The following CENPP variants were observed in gnomAD, a reference collection of about 807,000 sequenced individuals.
The protein encoded by CENPP is centromere protein P.
CENPP carries 24 observed loss-of-function variants against 35.6 expected under a neutral mutation model. That is an observed-to-expected ratio of 0.67 (90% confidence interval 0.49 to 0.95). The LOEUF is 0.95. CENPP is among the 40% of genes least tolerant of loss of function. The probability of loss-of-function intolerance (pLI) is 0.00; values close to 1 mark genes in which losing one functional copy is unlikely to be tolerated. For synonymous variants in CENPP, 120 were observed against 125.5 expected, an observed-to-expected ratio of 0.96 and a Z score of 0.29; for missense variants, 332 against 345.3, an observed-to-expected ratio of 0.96 and a Z score of 0.31.
intron 5 of CENPP, among the ~76,000 whole-genome samples, chr9:92,410,094 G>A (rs1347417347): frequency 6.6e-6 from 1 of 151,956 alleles, no homozygotes. Flanking sequence ...GTACCACCGC[G>A]CCTGGCTAAT....
chr9:92,359,589 G>A (rs1841686905), intron 4 of CENPP, among the ~76,000 whole-genome samples: 1 of 152,072 alleles, frequency 6.6e-6, no homozygotes, highest in Admixed American at 6.6e-5. Context: ...CTTAGAAAGG[G>A]GAAATGAAGA....
rs185618585 is a variant in CENPP at position 92,370,983 on chromosome 9, T to C, written c.468-8780T>C. Among the ~76,000 whole-genome samples, 1,058 of 152,288 alleles carry C rather than the reference T, an allele frequency of 6.9e-3. 11 individuals carry two copies. Among genetic ancestry groups the C allele is most frequent in the African/African-American group, 0.024 (1,014 of 41,560 alleles). ...TCCATTTTCATTTAAATTGTTTGGG[T>C]CTTCTCTTTTCTTGGTTAGTCTAGC... On this transcript the variant is annotated intron_variant, in intron 4 of 7. Transcript: ENST00000375587.
intron 5 of CENPP, among the ~76,000 whole-genome samples, chr9:92,583,715 T>G (rs1389885441): frequency 6.6e-6 from 1 of 152,144 alleles, no homozygotes; most frequent in African/African-American, 2.4e-5. Flanking sequence ...TTGTTTTGCT[T>G]TCAAAATTTT....
At position 92,619,655 on chromosome 9, in the gene CENPP, CTG is replaced by C. The variant is rs1851561359; in HGVS notation, c.*6507_*6508del. On this transcript the variant is annotated 3_prime_UTR_variant, in exon 8 of 8. Transcript: ENST00000375587. ...CCTTCCCAGTAGCCAAGTGTGGGAA[CTG>C]CTTCCTGCCTCAGAACCTGAGGGTG... 1.7e-6 allele frequency: 2 copies of C among 1,148,710 alleles called. 1 individual carries two copies. Among genetic ancestry groups the C allele is most frequent in the Admixed American group, 4.0e-5 (2 of 50,210 alleles). 71.2% of individuals were successfully genotyped at this position (1,148,710 alleles called of 1,614,324 possible).
intron 5 of CENPP, among the ~76,000 whole-genome samples, chr9:92,423,424 TTAAAG>T (rs543657196): frequency 3.2e-4 from 48 of 152,284 alleles, no homozygotes; most frequent in African/African-American, 1.1e-3. Context: ...CAGGAAAAGT[TTAAAG>T]TAAAATCCTC....
chr9:92,425,537 T>A (rs1843941557), intron 5 of CENPP, among the ~76,000 whole-genome samples: 1 of 152,200 alleles, frequency 6.6e-6, no homozygotes, highest in Non-Finnish European at 1.5e-5. Flanking sequence ...GGAGTTCATT[T>A]TGGGGGGGAA....
chr9:92,362,857 T>C (rs908186735), intron 4 of CENPP, among the ~76,000 whole-genome samples: 4 of 152,260 alleles, frequency 2.6e-5, no homozygotes, highest in African/African-American at 9.6e-5. Flanking sequence ...TCCATATTTA[T>C]AATATGTATG....
chr9:92,435,015 G>T (rs1261246324), intron 5 of CENPP, among the ~76,000 whole-genome samples: 1 of 152,122 alleles, frequency 6.6e-6, no homozygotes, highest in African/African-American at 2.4e-5. Flanking sequence ...TCATGCCACT[G>T]CACTCCAGCC....
chr9:92,386,360 A>AAT, intron 5 of CENPP: 1 of 988,886 alleles, frequency 1.0e-6, no homozygotes, highest in African/African-American at 1.6e-5. Context: ...GGATTCAAGC[A>AAT]ATATATATGT....
chr9:92,368,299 T>C (rs1383512836), intron 4 of CENPP, among the ~76,000 whole-genome samples: 1 of 152,148 alleles, frequency 6.6e-6, no homozygotes, highest in Non-Finnish European at 1.5e-5. Context: ...CTGGACACTG[T>C]CCCCAAGATA....
intron 5 of CENPP, chr9:92,464,765 G>C (rs1387514113): frequency 1.4e-6 from 1 of 718,720 alleles, no homozygotes. Context: ...ACTACATATG[G>C]CATTTTATGT....
At chr9:92,591,171 G>A (rs907908602) in intron 5 of CENPP, among the ~76,000 whole-genome samples, 2 of 152,192 alleles carry the variant, frequency 1.3e-5, no homozygotes, top group Admixed American at 1.3e-4. Context: ...TGTAATCCCA[G>A]CACTTTGGGA....
intron 5 of CENPP, among the ~76,000 whole-genome samples, chr9:92,535,413 A>G (rs759395690): frequency 4.1e-4 from 62 of 152,132 alleles, no homozygotes; most frequent in Non-Finnish European, 7.9e-4. Context: ...TTTATCAAGT[A>G]ATTTTTTTCC....
At chr9:92,610,217 G>A (rs972414044) in intron 5 of CENPP, among the ~76,000 whole-genome samples, 17 of 152,118 alleles carry the variant, frequency 1.1e-4, no homozygotes, top group African/African-American at 1.9e-4. Context: ...CGCCAGGCCC[G>A]GCTACTTTTT....
At position 92,614,965 on chromosome 9, in the gene CENPP, A is replaced by G. The variant is rs998192426; in HGVS notation, c.*1816A>G. 2.0e-5 allele frequency: 3 copies of G among 152,246 alleles called. No individual in the cohort carries two copies. Among genetic ancestry groups the G allele is most frequent in the African/African-American group, 7.2e-5 (3 of 41,422 alleles). 9.4% of individuals were successfully genotyped at this position (152,246 alleles called of 1,614,324 possible). A position where few individuals can be genotyped will look rare whatever the true frequency, so the allele number is the denominator to read the frequency against. ...GGGAGGAACTTGGTCTGGGAGGAAG[A>G]GAGAACTCGCTCCTCAACCACCCCA... On this transcript the variant is annotated 3_prime_UTR_variant, in exon 8 of 8. Transcript: ENST00000375587.
At chr9:92,464,021 G>A (rs778096356) in intron 5 of CENPP, among the ~76,000 whole-genome samples, 2 of 152,132 alleles carry the variant, frequency 1.3e-5, no homozygotes, top group Non-Finnish European at 2.9e-5. Flanking sequence ...AGAGGGGGTC[G>A]TGATGAAGTT....
In CENPP at chr9:92,613,249, C is replaced by T; in HGVS notation, c.*100C>T. ...CTATTTTCTGCTTAGAAACCACACCCTGAAGACGTGCTGTCTATGCAGTTA... is the reference window on the plus strand; with the variant it reads ...CTATTTTCTGCTTAGAAACCACACCTTGAAGACGTGCTGTCTATGCAGTTA... On this transcript the variant is annotated 3_prime_UTR_variant, in exon 8 of 8. Coordinates refer to ENST00000375587, the MANE Select transcript of CENPP (RefSeq NM_001012267.3). The T allele has an allele frequency of 7.1e-7, 1 of 1,409,628 alleles. No individual in the cohort carries two copies. The highest frequency in any genetic ancestry group is 1.2e-5 in the South Asian group (1 of 82,726). 87.3% of individuals were successfully genotyped at this position (1,409,628 alleles called of 1,614,324 possible). A position where few individuals can be genotyped will look rare whatever the true frequency, so the allele number is the denominator to read the frequency against.
intron 5 of CENPP, among the ~76,000 whole-genome samples, chr9:92,529,415 A>G (rs1306214469): frequency 6.6e-6 from 1 of 152,188 alleles, no homozygotes; most frequent in Non-Finnish European, 1.5e-5. Context: ...TTTAAAACTT[A>G]ACATACTGTT....
intron 5 of CENPP, chr9:92,502,802 G>GTTT: frequency 2.6e-6 from 1 of 384,780 alleles, no homozygotes. Flanking sequence ...TTTTTAAGTT[G>GTTT]TCTTTTTTTT....
Sources: allele counts gnomAD v4.1 joint callset (sites outside exome capture counted in the v4.1 genomes callset), GRCh38; gene constraint gnomAD v4.1.1; transcripts MANE v1.5; gene names NCBI Gene and HGNC (gene_info 2026-07-23, HGNC 2026-07-21).